Variants in DOK6 observed in about 807,000 individuals in gnomAD.
DOK6 encodes the protein downstream of tyrosine kinase 6.
Under a neutral mutation model 44.0 loss-of-function variants are expected in DOK6, and 22 were observed. The ratio of observed to expected loss-of-function variants is 0.50; its 90% CI spans 0.36 to 0.71. DOK6 has a LOEUF of 0.71. Among genes scored for constraint, DOK6 ranks in the 30% least tolerant of loss-of-function variants. DOK6 has a pLI of 0.00. For synonymous variants in DOK6, 166 were observed against 145.5 expected (o/e 1.14, Z -1.01); for missense variants, 340 against 416.4 (o/e 0.82, Z 1.60).
intron 1 of DOK6, among the ~76,000 whole-genome samples, chr18:69,524,893 C>T (rs1323014582): frequency 6.6e-6 from 1 of 151,520 alleles, no homozygotes; most frequent in African/African-American, 2.4e-5. Flanking sequence ...TTGGACAAGT[C>T]GACTTTAATT....
chr18:69,804,806 CAT>C (rs1286703745), intron 7 of DOK6, among the ~76,000 whole-genome samples: 2 of 152,146 alleles, frequency 1.3e-5, no homozygotes, highest in Non-Finnish European at 2.9e-5. Flanking sequence ...TATATTGACA[CAT>C]ATGCTTGTTC....
intron 1 of DOK6, among the ~76,000 whole-genome samples, chr18:69,524,626 A>G (rs541250511): frequency 6.6e-6 from 1 of 152,120 alleles, no homozygotes; most frequent in South Asian, 2.1e-4. Flanking sequence ...GACCATTCCG[A>G]ACATTAGTTC....
At chr18:69,814,370 T>C (rs1981334079) in intron 7 of DOK6, among the ~76,000 whole-genome samples, 1 of 152,040 alleles carries the variant, frequency 6.6e-6, no homozygotes, top group South Asian at 2.1e-4. Flanking sequence ...GCCATGTCAT[T>C]TGAGGCAAAG....
chr18:69,727,333 G>A (rs1240973170), intron 5 of DOK6, among the ~76,000 whole-genome samples: 1 of 152,096 alleles, frequency 6.6e-6, no homozygotes, highest in Non-Finnish European at 1.5e-5. Context: ...TGAAGTGGCT[G>A]AAATCTAAGT....
intron 5 of DOK6, among the ~76,000 whole-genome samples, chr18:69,707,954 T>C (rs1986672461): frequency 6.6e-6 from 1 of 151,990 alleles, no homozygotes; most frequent in Admixed American, 6.6e-5. Context: ...GGCATGAGGA[T>C]AGAGGGGTCA....
At chr18:69,459,969 T>G (rs1979742157) in intron 1 of DOK6, among the ~76,000 whole-genome samples, 1 of 152,226 alleles carries the variant, frequency 6.6e-6, no homozygotes, top group South Asian at 2.1e-4. Context: ...TTAGGAACTC[T>G]TTTATAAAAT....
intron 4 of DOK6, among the ~76,000 whole-genome samples, chr18:69,696,784 A>G (rs1298422918): frequency 6.6e-6 from 1 of 152,308 alleles, no homozygotes; most frequent in Admixed American, 6.5e-5. Flanking sequence ...GTGAATTATG[A>G]TGGGAATGTG....
intron 5 of DOK6, among the ~76,000 whole-genome samples, chr18:69,728,892 T>A (rs1978327330): frequency 6.6e-6 from 1 of 152,176 alleles, no homozygotes; most frequent in Non-Finnish European, 1.5e-5. Flanking sequence ...AATTTTTATT[T>A]AATCTTTGAT....
At chr18:69,685,401 C>T (rs1018217564) in intron 4 of DOK6, among the ~76,000 whole-genome samples, 9 of 152,196 alleles carry the variant, frequency 5.9e-5, no homozygotes, top group African/African-American at 2.2e-4. Context: ...GCTTCCTACT[C>T]TGCACATTGA....
chr18:69,522,950 AG>A (rs923485328), intron 1 of DOK6, among the ~76,000 whole-genome samples: 5 of 152,046 alleles, frequency 3.3e-5, no homozygotes, highest in Non-Finnish European at 7.4e-5. Context: ...CCAGTTGTTG[AG>A]TGTGCTCTGT....
intron 1 of DOK6, among the ~76,000 whole-genome samples, chr18:69,411,968 C>T (rs1161155617): frequency 3.9e-5 from 6 of 152,076 alleles, no homozygotes; most frequent in Non-Finnish European, 2.9e-5. Context: ...TGCAAATAAC[C>T]TACTGTTAAA....
intron 3 of DOK6, among the ~76,000 whole-genome samples, chr18:69,620,700 A>G (rs1306243680): frequency 6.6e-6 from 1 of 152,212 alleles, no homozygotes; most frequent in Non-Finnish European, 1.5e-5. Flanking sequence ...AAATATGATT[A>G]TATGTCAATA....
intron 1 of DOK6, among the ~76,000 whole-genome samples, chr18:69,521,970 T>G (rs4599008): frequency 0.62 from 93,629 of 151,668 alleles, 29,544 homozygotes; most frequent in Non-Finnish European, 0.69. Context: ...CCCAAACTGT[T>G]TAGATTAATG....
rs529941919 is a variant in DOK6 at position 69,716,369 on chromosome 18, T to A, written c.599+17776T>A. Among the ~76,000 whole-genome samples, 67 of 152,340 alleles carry A rather than the reference T, an allele frequency of 4.4e-4. No individual in the cohort carries two copies. The South Asian group carries it at 0.013, about 30-fold the overall frequency. ...ATGCGAACTATGAGGCAATTTAATA[T>A]GCAATTATTTTAAGCATAATTAAAA... On this transcript the variant is annotated intron_variant, in intron 5 of 7. Transcript: ENST00000382713.
At chr18:69,819,653 T>C (rs1981508898) in intron 7 of DOK6, among the ~76,000 whole-genome samples, 1 of 152,208 alleles carries the variant, frequency 6.6e-6, no homozygotes, top group South Asian at 2.1e-4. Flanking sequence ...TTAGACCTGT[T>C]GAACAGCAAC....
chr18:69,489,339 T>C (rs1286831469), intron 1 of DOK6, among the ~76,000 whole-genome samples: 1 of 152,200 alleles, frequency 6.6e-6, no homozygotes, highest in Non-Finnish European at 1.5e-5. Context: ...AACAGTCCAC[T>C]TCCAAGTACT....
intron 2 of DOK6, among the ~76,000 whole-genome samples, chr18:69,583,602 C>T (rs1983417892): frequency 6.6e-6 from 1 of 152,020 alleles, no homozygotes; most frequent in Admixed American, 6.6e-5. Flanking sequence ...AGAAATACTT[C>T]CCCATCCCAT....
intron 1 of DOK6, among the ~76,000 whole-genome samples, chr18:69,421,720 T>C (rs1460299205): frequency 6.6e-6 from 1 of 152,194 alleles, no homozygotes; most frequent in Non-Finnish European, 1.5e-5. Flanking sequence ...GCTATGATGT[T>C]TTAATCCAGA....
rs879018151 is a variant in DOK6 at position 69,841,167 on chromosome 18, T to C, written c.857-77T>C. ...CTTAAAAATATAGATAGATAGATAA[T>C]AGATAGATGATAGATAGTGTATCTT... On this transcript the variant is annotated intron_variant, in intron 7 of 7. Transcript: ENST00000382713. 1.9e-6 allele frequency: 3 copies of C among 1,555,198 alleles called. No individual in the cohort carries two copies. The South Asian group carries it at 3.4e-5, about 18-fold the overall frequency.
Sources: allele counts gnomAD v4.1 joint callset (sites outside exome capture counted in the v4.1 genomes callset), GRCh38; gene constraint gnomAD v4.1.1; transcripts MANE v1.5; gene names NCBI Gene and HGNC (gene_info 2026-07-23, HGNC 2026-07-21).